Variants in UST observed in about 807,000 individuals in gnomAD.
UST encodes uronyl 2-sulfotransferase, also known as chondroitin sulfate 2-O-sulfotransferase.
In UST, 21 loss-of-function variants were observed where a neutral mutation model predicts 45.6. The ratio of observed to expected loss-of-function variants is 0.46; its 90% CI spans 0.33 to 0.66. UST has a LOEUF of 0.66. UST is among the 30% of genes least tolerant of loss of function. UST has a pLI of 0.02. For synonymous variants in UST, 215 were observed against 200.6 expected (o/e 1.07, Z -0.61); for missense variants, 463 against 512.4 (o/e 0.90, Z 0.93).
At chr6:148,751,201 G>A (rs970989431) in intron 1 of UST, among the ~76,000 whole-genome samples, 3 of 152,148 alleles carry the variant, frequency 2.0e-5, no homozygotes, top group African/African-American at 7.2e-5. Flanking sequence ...GTATTTAAAG[G>A]TACTTTAATA....
chr6:148,899,735 C>T (rs750747026), intron 2 of UST, among the ~76,000 whole-genome samples: 5 of 152,234 alleles, frequency 3.3e-5, no homozygotes, highest in East Asian at 1.9e-4. Context: ...TCCCCGATGG[C>T]GCCCTGCACG....
chr6:148,862,490 C>G (rs1015861205), intron 1 of UST, among the ~76,000 whole-genome samples: 1 of 152,172 alleles, frequency 6.6e-6, no homozygotes, highest in African/African-American at 2.4e-5. Flanking sequence ...GCATTTAGCC[C>G]ATTTACATTT....
chr6:148,955,360 A>G (rs773081489), intron 4 of UST, among the ~76,000 whole-genome samples: 4 of 152,246 alleles, frequency 2.6e-5, no homozygotes, highest in Non-Finnish European at 4.4e-5. Flanking sequence ...AGTGCAAAGA[A>G]TGAGATTCAG....
intron 5 of UST, chr6:148,964,820 C>T (rs1296222037): frequency 2.0e-6 from 1 of 497,304 alleles, no homozygotes; most frequent in Non-Finnish European, 3.6e-6. Flanking sequence ...GGTTTTGGGA[C>T]CCAGAGCGTT....
intron 5 of UST, among the ~76,000 whole-genome samples, chr6:148,999,770 G>T (rs956653469): frequency 7.2e-6 from 1 of 139,130 alleles, no homozygotes; most frequent in African/African-American, 2.5e-5. Context: ...TACATCCCAG[G>T]TTATCCATGC....
intron 1 of UST, among the ~76,000 whole-genome samples, chr6:148,792,192 G>T (rs953479774): frequency 6.6e-6 from 1 of 152,194 alleles, no homozygotes; most frequent in Admixed American, 6.5e-5. Flanking sequence ...ATGACCTAGA[G>T]AATGATACTT....
intron 1 of UST, among the ~76,000 whole-genome samples, chr6:148,778,467 G>GA (rs2114684872): frequency 6.6e-6 from 1 of 152,310 alleles, no homozygotes; most frequent in East Asian, 1.9e-4. Context: ...GTGGGTGACA[G>GA]AAAAAGGCAC....
chr6:149,015,970 C>G (rs967504344), intron 5 of UST, among the ~76,000 whole-genome samples: 12 of 152,186 alleles, frequency 7.9e-5, no homozygotes, highest in African/African-American at 1.4e-4. Context: ...CTGCAGGCCC[C>G]TGGTCCTCAG....
intron 2 of UST, among the ~76,000 whole-genome samples, chr6:148,924,200 T>G (rs751452527): frequency 6.6e-6 from 1 of 152,186 alleles, no homozygotes; most frequent in Non-Finnish European, 1.5e-5. Context: ...TGTTTTGACA[T>G]TTTTTAAAGG....
intron 6 of UST, 148 bp from the exon 7 acceptor site, chr6:149,021,176 A>G (rs1338598889): frequency 2.5e-6 from 2 of 798,554 alleles, no homozygotes; most frequent in African/African-American, 3.5e-5. Context: ...AAGGCCCTGG[A>G]TGGGGCTACA....
At chr6:148,798,260 C>T (rs1217849110) in intron 1 of UST, among the ~76,000 whole-genome samples, 2 of 152,170 alleles carry the variant, frequency 1.3e-5, no homozygotes, top group African/African-American at 2.4e-5. Flanking sequence ...TTGAGCTTCC[C>T]TCAGAGCCAA....
chr6:149,058,396 C>T (rs559913949), intron 7 of UST, among the ~76,000 whole-genome samples: 33 of 149,846 alleles, frequency 2.2e-4, no homozygotes, highest in African/African-American at 6.4e-4. Flanking sequence ...TGTATGTGCG[C>T]GCGCGTGTGT....
In UST at chr6:148,900,807, T is replaced by C. The variant is rs950758018; in HGVS notation, c.291+13778T>C. On this transcript the variant is annotated intron_variant, in intron 2 of 7. Coordinates refer to ENST00000367463, the MANE Select transcript of UST (RefSeq NM_005715.3). The stretch of plus-strand genomic sequence containing the variant: ...AAGTCTGAAATGGGTCTCACTGGGC[T>C]CAAATTGAAGAGTCAGCAGAGATGC... 2.0e-5 allele frequency among the ~76,000 whole-genome samples: 3 copies of C among 152,330 alleles called. No homozygotes were observed. The East Asian group carries it at 5.8e-4, about 29-fold the overall frequency.
intron 7 of UST, among the ~76,000 whole-genome samples, chr6:149,068,752 AT>A (rs978952818): frequency 4.0e-5 from 6 of 151,842 alleles, no homozygotes; most frequent in Non-Finnish European, 8.8e-5. Flanking sequence ...GAACATTTGA[AT>A]TTTTTTTTCT....
At chr6:149,045,315 A>G (rs1776382119) in intron 7 of UST, among the ~76,000 whole-genome samples, 1 of 152,204 alleles carries the variant, frequency 6.6e-6, no homozygotes, top group Admixed American at 6.5e-5. Context: ...CCTTCATGGT[A>G]TACTAAACTT....
Position 148,748,216 on chromosome 6 carries a change from G to C in UST, c.247+539G>C, listed in dbSNP as rs1009799906. ...GCCCTAGTGGCTCCGCGCTGTCCCC[G>C]GGCTGGCTTGTCCCTTGGCTGCCGC... On this transcript the variant is annotated intron_variant, in intron 1 of 7. Transcript: ENST00000367463. The surrounding 1 kb of genome is among the most constrained non-coding windows in gnomAD (Gnocchi z 5.3). 6.6e-6 allele frequency among the ~76,000 whole-genome samples: 1 copy of C among 152,032 alleles called. No individual in the cohort carries two copies. The highest frequency in any genetic ancestry group is 2.4e-5 in the African/African-American group (1 of 41,400).
At chr6:148,916,359 T>A (rs1779590886) in intron 2 of UST, among the ~76,000 whole-genome samples, 1 of 152,136 alleles carries the variant, frequency 6.6e-6, no homozygotes, top group South Asian at 2.1e-4. Flanking sequence ...GTAACACATA[T>A]CCTCCCGTGA....
At chr6:148,890,960 A>G (rs768734929) in intron 2 of UST, among the ~76,000 whole-genome samples, 5 of 152,184 alleles carry the variant, frequency 3.3e-5, no homozygotes, top group Non-Finnish European at 5.9e-5. Flanking sequence ...TTTTTGTGAA[A>G]TTGCACGCAT....
At chr6:148,906,130 G>A (rs534955330) in intron 2 of UST, among the ~76,000 whole-genome samples, 6 of 152,294 alleles carry the variant, frequency 3.9e-5, no homozygotes, top group South Asian at 4.1e-4. Flanking sequence ...TGCCTCTAGC[G>A]CGGTGCTGTA....
Sources: allele counts gnomAD v4.1 joint callset (sites outside exome capture counted in the v4.1 genomes callset), GRCh38; gene constraint gnomAD v4.1.1; non-coding constraint Gnocchi (gnomAD v3.1); transcripts MANE v1.5; gene names NCBI Gene and HGNC (gene_info 2026-07-23, HGNC 2026-07-21).